Variants in MOV10 observed in about 807,000 individuals in gnomAD.
The protein encoded by MOV10 is Mov10 RNA helicase.
A neutral mutation model predicts 108.4 loss-of-function variants in MOV10; 39 were observed. That is an observed-to-expected ratio of 0.36 (90% confidence interval 0.28 to 0.47). The LOEUF (loss-of-function observed/expected upper bound fraction) is 0.47, where lower values mean the gene tolerates loss of function less well. MOV10 is among the 20% of genes least tolerant of loss of function. MOV10 has a pLI of 1.00. For missense variants in MOV10, 952 were observed against 1,297.6 expected, an observed-to-expected ratio of 0.73 and a Z score of 4.09; for synonymous variants, 490 against 523.1, an observed-to-expected ratio of 0.94 and a Z score of 0.86.
chr1:112,689,274 G>A, intron 3 of MOV10, 136 bp downstream of exon 3: 2 of 1,216,756 alleles, frequency 1.6e-6, no homozygotes, highest in Non-Finnish European at 2.3e-6. Flanking sequence ...GAAGGGCAGG[G>A]AACTGGTCTG....
In MOV10 at chr1:112,698,016, A is replaced by G. The variant is rs955771576; in HGVS notation, c.2221A>G (p.Ile741Val). The change falls in exon 15 of 21, where the codon ATT (isoleucine) becomes GTT (valine). Residue 741 changes from isoleucine (I) to valine (V), a missense_variant. Ile to Val is a conservative substitution (Grantham distance 29, BLOSUM62 3). This residue lies in a region of MOV10 where 453 missense variants were observed against 611.5 expected (regional missense o/e 0.74). Transcript: ENST00000369645. Reference sequence around the variant, plus strand: ...CAGGTCTCATCCCACCATCCTGGACATTCCTAACCAGCTCTATTATGAAGG... The same window carrying G: ...CAGGTCTCATCCCACCATCCTGGACGTTCCTAACCAGCTCTATTATGAAGG... ...NYRSHPTILD[I>V]PNQLYYEGEL... 4 of 1,614,172 alleles carry G rather than the reference A, an allele frequency of 2.5e-6. No individual in the cohort carries two copies. Among genetic ancestry groups the G allele is most frequent in the Middle Eastern group, 1.7e-4 (1 of 6,060 alleles).
intron 2 of MOV10, among the ~76,000 whole-genome samples, chr1:112,681,216 G>A (rs1672624668): frequency 6.6e-6 from 1 of 151,956 alleles, no homozygotes; most frequent in Non-Finnish European, 1.5e-5. Flanking sequence ...GTTTGGCCGG[G>A]CTCAGTGGCT....
At chr1:112,698,916 C>T (rs990208736) in intron 17 of MOV10, 127 bp downstream of exon 17, 55 of 791,268 alleles carry the variant, frequency 7.0e-5, no homozygotes, top group Non-Finnish European at 3.5e-5. Flanking sequence ...GAATAGAGCT[C>T]GAGCTCTCCC....
intron 2 of MOV10, among the ~76,000 whole-genome samples, chr1:112,679,588 G>A (rs777171611): frequency 1.5e-4 from 23 of 152,108 alleles, no homozygotes; most frequent in Admixed American, 1.4e-3. Context: ...AGATATAGGG[G>A]GTGGCCTAGT....
Position 112,695,418 on chromosome 1 carries a change from G to A in MOV10, c.1623G>A (p.Val541=), listed in dbSNP as rs780329609. The A allele has an allele frequency of 3.1e-6, 5 of 1,613,870 alleles. 1 individual carries two copies. In the East Asian group the frequency reaches 1.1e-4, roughly 36 times the overall value. ...CACTGCGCTTATCTGCATCTCAGGT[G>A]GTGAAGCACTTGCCCAAAGCCCACA... The part of the protein sequence containing the change: ...TVTLVEAIKQ[V]VKHLPKAHIL... Residue 541 remains valine, a splice_region_variant and synonymous_variant, in exon 11 of 21, where the codon GTG becomes GTA. Transcript: ENST00000369645.
chr1:112,696,178 G>T lies in MOV10; in HGVS notation c.1810G>T (p.Glu604Ter). The change falls in exon 12 of 21, where the codon GAG becomes TAG. Residue 604 changes from glutamate to a stop codon, truncating the protein, a stop_gained. Transcript: ENST00000369645. LOFTEE classifies it high-confidence loss of function. ...CTGCAACTGGGACGCAAAGAAGGGG[G>T]AGTATGTATTTCCCGCCAAGAAGAA... ...PCCNWDAKKG[E>*]YVFPAKKKLQ... The T allele has an allele frequency of 1.2e-6, 2 of 1,613,952 alleles. No individual in the cohort carries two copies. Among genetic ancestry groups the T allele is most frequent in the Non-Finnish European group, 1.7e-6 (2 of 1,179,934 alleles).
At position 112,682,927 on chromosome 1, in the gene MOV10, T is replaced by TA. The variant is rs1176616076; in HGVS notation, c.138-6008_138-6007insA. ...ATGAAGCTCCTAGGAACATCTTTTT[T>TA]TTTTTTTTTTGAGACGGAGTCTTGC... On this transcript the variant is annotated intron_variant, in intron 2 of 20. Transcript: ENST00000369645. Among the ~76,000 whole-genome samples, 8 of 151,074 alleles carry TA rather than the reference T, an allele frequency of 5.3e-5. No homozygotes were observed. The South Asian group carries it at 1.7e-3, about 32-fold the overall frequency.
At chr1:112,689,182 G>A (rs1673338061) in intron 3 of MOV10, 44 bp downstream of exon 3, 1 of 1,543,532 alleles carries the variant, frequency 6.5e-7, no homozygotes, top group East Asian at 2.4e-5. Context: ...GGTCTGCAGG[G>A]TGTGAGGGAA....
intron 2 of MOV10, among the ~76,000 whole-genome samples, chr1:112,681,880 TA>T (rs895284377): frequency 1.4e-5 from 2 of 148,040 alleles, no homozygotes; most frequent in Non-Finnish European, 3.0e-5. Flanking sequence ...TGCCTAGAAA[TA>T]AAAAAAAATT....
rs1164810574 is a variant in MOV10 at position 112,699,926 on chromosome 1, C to A, written c.2742C>A (p.Ala914=). The A allele has an allele frequency of 2.5e-6, 4 of 1,614,184 alleles. No individual in the cohort carries two copies. Among genetic ancestry groups the A allele is most frequent in the Non-Finnish European group, 3.4e-6 (4 of 1,180,028 alleles). ...ATGTAGCTGTGACCCGGGCCAAGGCCCTGCTCATCATCGTGGGGAACCCCC... is the reference window on the plus strand; with the variant it reads ...ATGTAGCTGTGACCCGGGCCAAGGCACTGCTCATCATCGTGGGGAACCCCC... ...RFNVAVTRAK[A]LLIIVGNPLL... The change falls in exon 19 of 21, where the codon GCC becomes GCA. Residue 914 remains alanine, a synonymous_variant. Transcript: ENST00000369645.
At chr1:112,691,616 G>C (rs746209575) in intron 5 of MOV10, 49 bp from the exon 6 acceptor site, 2 of 1,597,028 alleles carry the variant, frequency 1.3e-6, no homozygotes. Context: ...CGTTCTCAGA[G>C]TGTTGGAGGG....
Position 112,699,677 on chromosome 1 carries a change from C to A in MOV10, c.2584-8C>A, listed in dbSNP as rs576581663. The A allele has an allele frequency of 6.2e-7, 1 of 1,614,132 alleles. No individual in the cohort carries two copies. The highest frequency in any genetic ancestry group is 1.7e-5 in the Admixed American group (1 of 60,020). Reference sequence around the variant, plus strand: ...GCTGGTCTCAGGCCCTGCCTCTTTCCCCACTAGGTGGGTTCAGTAGAAGAA... The same window carrying A: ...GCTGGTCTCAGGCCCTGCCTCTTTCACCACTAGGTGGGTTCAGTAGAAGAA... On this transcript the variant is annotated splice_polypyrimidine_tract_variant and splice_region_variant and intron_variant, in intron 17 of 20. Transcript: ENST00000369645.
At chr1:112,695,706 T>G in intron 11 of MOV10, 132 bp downstream of exon 11, 2 of 790,140 alleles carry the variant, frequency 2.5e-6, no homozygotes, top group Admixed American at 3.4e-5. Flanking sequence ...ACAGGACCCC[T>G]CCCTGGGCCT....
upstream of MOV10, chr1:112,674,645 C>A: frequency 3.0e-6 from 1 of 335,624 alleles, no homozygotes; most frequent in Non-Finnish European, 5.4e-6. Flanking sequence ...GGGGAGGGCC[C>A]TGAGGGAGGG....
intron 2 of MOV10, among the ~76,000 whole-genome samples, chr1:112,681,925 T>C (rs1258976170): frequency 6.6e-6 from 1 of 151,860 alleles, no homozygotes; most frequent in South Asian, 2.1e-4. Context: ...TAGACAGTTT[T>C]GCTCTTGTTA....
At chr1:112,689,803 G>C in intron 4 of MOV10, 37 bp from the exon 5 acceptor site, 1 of 1,603,544 alleles carries the variant, frequency 6.2e-7, no homozygotes, top group Non-Finnish European at 8.5e-7. Flanking sequence ...TGGGTGGGAG[G>C]GTCCCTACCC....
chr1:112,697,248 T>A (rs1284158694), intron 14 of MOV10, among the ~76,000 whole-genome samples: 3 of 152,048 alleles, frequency 2.0e-5, no homozygotes, highest in Non-Finnish European at 4.4e-5. Flanking sequence ...CCACCCCCGA[T>A]CACTTGAGGT....
Position 112,699,894 on chromosome 1 carries a change from A to G in MOV10, c.2710A>G (p.Arg904Gly). Residue 904 changes from arginine (R) to glycine (G), a missense_variant and splice_region_variant, in exon 19 of 21, where the codon AGG (arginine) becomes GGG (glycine). Physicochemically the swap from Arg to Gly is moderately radical, Grantham distance 125. This residue lies in a region of MOV10 where 65 missense variants were observed against 124.3 expected (regional missense o/e 0.52). Transcript: ENST00000369645. ...TGACCACACCACTTCTTCCTTCCAG[A>G]GGTTCAATGTAGCTGTGACCCGGGC... ...FNLGFLKNPK[R>G]FNVAVTRAKA... The G allele has an allele frequency of 1.2e-6, 2 of 1,614,054 alleles. No individual in the cohort carries two copies. Among genetic ancestry groups the G allele is most frequent in the Non-Finnish European group, 1.7e-6 (2 of 1,179,996 alleles).
In MOV10 at chr1:112,674,909, C is replaced by G. The variant is rs375549836; in HGVS notation, c.-4C>G. On this transcript the variant is annotated 5_prime_UTR_variant, in exon 2 of 21. Transcript: ENST00000369645. ...CTCCTGCCTGGGCCGCAGCCGCCGC[C>G]GCGATGCCCAGTAAGTTCAGCTGCC... is the stretch of plus-strand genomic sequence containing the variant. 3.8e-6 allele frequency: 6 copies of G among 1,561,312 alleles called. No homozygotes were observed. The Admixed American group carries it at 1.2e-4, about 32-fold the overall frequency.
Sources: allele counts gnomAD v4.1 joint callset (sites outside exome capture counted in the v4.1 genomes callset), GRCh38; gene constraint gnomAD v4.1.1; regional missense constraint gnomAD v4.1.1; transcripts MANE v1.5; gene names NCBI Gene and HGNC (gene_info 2026-07-23, HGNC 2026-07-21).